Variants in ATF2 observed in about 807,000 individuals in gnomAD.
ATF2 encodes cyclic AMP-dependent transcription factor ATF-2.
Under a neutral mutation model 60.6 loss-of-function variants are expected in ATF2, and 24 were observed. The ratio of observed to expected loss-of-function variants is 0.40; its 90% CI spans 0.29 to 0.56. The LOEUF (loss-of-function observed/expected upper bound fraction) is 0.56, where lower values mean the gene tolerates loss of function less well. Among genes scored for constraint, ATF2 ranks in the 20% least tolerant of loss-of-function variants. ATF2 has a pLI of 0.54. For synonymous variants in ATF2, 206 were observed against 215.4 expected, an observed-to-expected ratio of 0.96 and a Z score of 0.38; for missense variants, 433 against 607.7, an observed-to-expected ratio of 0.71 and a Z score of 3.02.
At chr2:175,094,885 G>A (rs1342485759) in intron 11 of ATF2, among the ~76,000 whole-genome samples, 1 of 152,122 alleles carries the variant, frequency 6.6e-6, no homozygotes, top group Non-Finnish European at 1.5e-5. Context: ...CGAGGCTGCA[G>A]TGAGCCATGA....
At chr2:175,114,164 T>G in intron 8 of ATF2, 56 bp from the exon 9 acceptor site, 1 of 1,517,502 alleles carries the variant, frequency 6.6e-7, no homozygotes, top group South Asian at 1.2e-5. Flanking sequence ...CAACTGTCTC[T>G]TAAAAATACA....
chr2:175,134,459 C>T (rs956536299), intron 3 of ATF2, among the ~76,000 whole-genome samples: 3 of 150,060 alleles, frequency 2.0e-5, no homozygotes, highest in Non-Finnish European at 4.4e-5. Context: ...AAAAGCCTGG[C>T]ATACAGCAAA....
At chr2:175,102,599 T>C (rs983736929) in intron 10 of ATF2, among the ~76,000 whole-genome samples, 3 of 152,006 alleles carry the variant, frequency 2.0e-5, no homozygotes, top group South Asian at 2.1e-4. Context: ...TAAAACTCCA[T>C]TTCTACAAAA....
In ATF2 at chr2:175,074,208, A is replaced by G. The variant is rs1395276578; in HGVS notation, c.*401T>C. On this transcript the variant is annotated 3_prime_UTR_variant, in exon 14 of 14. Coordinates refer to ENST00000264110, the MANE Select transcript of ATF2 (RefSeq NM_001880.4). Reference sequence around the variant, plus strand: ...GGGACTATGCAAAACTTTGGTATAAATGATAATACTACTACCGTCACAGTT... The same window carrying G: ...GGGACTATGCAAAACTTTGGTATAAGTGATAATACTACTACCGTCACAGTT... 1 of 158,846 alleles carries G rather than the reference A, an allele frequency of 6.3e-6. No homozygotes were observed. Among genetic ancestry groups the G allele is most frequent in the South Asian group, 1.7e-4 (1 of 5,856 alleles). The allele number at this position is 158,846 out of a possible 1,614,324, so 9.8% of individuals were successfully genotyped here.
At chr2:175,164,870 G>A (rs1444516425) in intron 1 of ATF2, among the ~76,000 whole-genome samples, 1 of 152,158 alleles carries the variant, frequency 6.6e-6, no homozygotes, top group South Asian at 2.1e-4. Context: ...TTTTTGTTTT[G>A]TTTTGAGATG....
intron 12 of ATF2, 70 bp from the exon 13 acceptor site, chr2:175,080,835 G>T: frequency 8.0e-7 from 1 of 1,253,612 alleles, no homozygotes; most frequent in South Asian, 1.4e-5. Context: ...AACAAGCAAG[G>T]ATTAAAGTAT....
chr2:175,102,633 G>A lies in ATF2; in HGVS notation c.829-5040C>T, dbSNP rs187745356. Among the ~76,000 whole-genome samples, 869 of 152,176 alleles carry A rather than the reference G, an allele frequency of 5.7e-3. 4 individuals are homozygous for A. Among genetic ancestry groups the A allele is most frequent in the Non-Finnish European group, 9.5e-3 (643 of 68,004 alleles). ...AAAACTTAAAAATTAGCCAGGTGTG[G>A]TGGTGCATGCCTGTAGTCCCAACTA... On this transcript the variant is annotated intron_variant, in intron 10 of 13. Transcript: ENST00000264110.
intron 2 of ATF2, among the ~76,000 whole-genome samples, chr2:175,143,888 G>A (rs546938555): frequency 3.9e-5 from 6 of 152,044 alleles, no homozygotes; most frequent in Non-Finnish European, 7.4e-5. Context: ...CACCTTCTCA[G>A]ACTTGAGCAA....
chr2:175,096,748 T>C (rs1682323551), intron 11 of ATF2, among the ~76,000 whole-genome samples: 1 of 152,164 alleles, frequency 6.6e-6, no homozygotes, highest in South Asian at 2.1e-4. Context: ...AAAGATTCTT[T>C]AGAAATCTTA....
At chr2:175,116,242 A>G (rs1446245848) in intron 7 of ATF2, among the ~76,000 whole-genome samples, 1 of 152,152 alleles carries the variant, frequency 6.6e-6, no homozygotes, top group African/African-American at 2.4e-5. Flanking sequence ...AATCCAAACA[A>G]AAGATGATGA....
intron 5 of ATF2, among the ~76,000 whole-genome samples, 170 bp downstream of exon 5, chr2:175,121,270 GAATA>G (rs757764259): frequency 1.1e-4 from 16 of 151,848 alleles, no homozygotes; most frequent in Non-Finnish European, 2.1e-4. Context: ...AAAATGAAAT[GAATA>G]GTCAGAAGGA....
At chr2:175,094,075 G>C (rs561975404) in intron 11 of ATF2, among the ~76,000 whole-genome samples, 2 of 152,178 alleles carry the variant, frequency 1.3e-5, no homozygotes, top group Non-Finnish European at 2.9e-5. Flanking sequence ...CTGTGCCACA[G>C]AACAAATGAA....
intron 10 of ATF2, among the ~76,000 whole-genome samples, chr2:175,108,303 C>A (rs966270398): frequency 1.1e-4 from 17 of 152,004 alleles, no homozygotes; most frequent in African/African-American, 4.1e-4. Flanking sequence ...CCGGCAGCCA[C>A]CCCGTCCGGG....
intron 10 of ATF2, among the ~76,000 whole-genome samples, chr2:175,100,837 C>T (rs879898573): frequency 3.1e-4 from 47 of 152,210 alleles, no homozygotes; most frequent in Admixed American, 6.5e-4. Flanking sequence ...AGGTCCCATT[C>T]CAGCCAATGG....
At chr2:175,163,716 G>A (rs904245569) in intron 1 of ATF2, among the ~76,000 whole-genome samples, 25 of 151,340 alleles carry the variant, frequency 1.7e-4, no homozygotes, top group Middle Eastern at 3.4e-3. Flanking sequence ...GGCCGAGGCA[G>A]GTTCGAGACC....
rs1234421827 is a variant in ATF2 at position 175,073,273 on chromosome 2, G to A, written c.*1336C>T. The A allele has an allele frequency of 6.6e-6, 1 of 152,098 alleles. No homozygotes were observed. The highest frequency in any genetic ancestry group is 1.5e-5 in the Non-Finnish European group (1 of 68,012). 9.4% of individuals were successfully genotyped at this position (152,098 alleles called of 1,614,324 possible). A position where few individuals can be genotyped will look rare whatever the true frequency, so the allele number is the denominator to read the frequency against. ...ACATTAGAAAACTAAGTATCCCACA[G>A]ATGATTGGATAATGAGAAAAATGTA... is the stretch of plus-strand genomic sequence containing the variant. On this transcript the variant is annotated 3_prime_UTR_variant, in exon 14 of 14. Transcript: ENST00000264110.
chr2:175,081,912 G>A (rs570414758), intron 12 of ATF2, among the ~76,000 whole-genome samples: 14 of 152,204 alleles, frequency 9.2e-5, no homozygotes, highest in African/African-American at 2.9e-4. Context: ...TTAGTTGGGC[G>A]TGGTGGAGGG....
intron 4 of ATF2, among the ~76,000 whole-genome samples, chr2:175,122,749 C>A (rs112748533): frequency 6.7e-6 from 1 of 148,658 alleles, no homozygotes; most frequent in Non-Finnish European, 1.5e-5. Context: ...GAGCTCCTAC[C>A]GTGGTCCCCC....
At position 175,117,938 on chromosome 2, in the gene ATF2, T is replaced by G. The variant is rs1696696446; in HGVS notation, c.447+52A>C. On this transcript the variant is annotated intron_variant, in intron 7 of 13. Transcript: ENST00000264110. Reference sequence around the variant, plus strand: ...TTTTATGGAGATTAAATAGTAAACTTTATTTGGGTACTGTTCCTCCCCCTT... The same window carrying G: ...TTTTATGGAGATTAAATAGTAAACTGTATTTGGGTACTGTTCCTCCCCCTT... 6.0e-6 allele frequency: 9 copies of G among 1,512,374 alleles called. No homozygotes were observed. In the East Asian group the frequency reaches 2.1e-4, roughly 35 times the overall value. The allele number at this position is 1,512,374 out of a possible 1,614,324, so 93.7% of individuals were successfully genotyped here.
Sources: allele counts gnomAD v4.1 joint callset (sites outside exome capture counted in the v4.1 genomes callset), GRCh38; gene constraint gnomAD v4.1.1; transcripts MANE v1.5; gene names NCBI Gene and HGNC (gene_info 2026-07-23, HGNC 2026-07-21).